TUT4: variants seen among roughly 807,000 people sequenced by gnomAD.
TUT4 encodes the protein terminal uridylyltransferase 4.
In TUT4, 36 loss-of-function variants were observed where a neutral mutation model predicts 192.2. That is an observed-to-expected ratio of 0.19 (90% CI 0.14 to 0.25). TUT4 has a LOEUF of 0.25. Ranked by LOEUF, TUT4 falls within the 10% of genes least tolerant of loss-of-function variation. The probability of loss-of-function intolerance (pLI) is 1.00; values close to 1 mark genes in which losing one functional copy is unlikely to be tolerated. For synonymous variants in TUT4, 618 were observed against 666.0 expected (o/e 0.93, Z 1.11); for missense variants, 1,493 against 1,957.2 (o/e 0.76, Z 4.47).
At chr1:52,549,496 C>T (rs1030460533) in intron 1 of TUT4, among the ~76,000 whole-genome samples, 2 of 152,124 alleles carry the variant, frequency 1.3e-5, no homozygotes, top group African/African-American at 4.8e-5. Context: ...CTAGTTTCTT[C>T]CCTCTCAACT....
At chr1:52,532,843 C>T (rs752754097) in intron 1 of TUT4, among the ~76,000 whole-genome samples, 2 of 152,172 alleles carry the variant, frequency 1.3e-5, no homozygotes, top group Non-Finnish European at 2.9e-5. Flanking sequence ...TTCCTGAGCA[C>T]ATGACTAGTC....
In TUT4 at chr1:52,431,188, C is replaced by T. The variant is rs1651957607; in HGVS notation, c.4536G>A (p.Val1512=). Residue 1512 remains valine, a synonymous_variant, in exon 28 of 30, where the codon GTG becomes GTA. Transcript: ENST00000257177. ...PAPSWPIHGP[V]IHSAPGSAPS... is the part of the protein sequence containing the mutation. ...GGGCACTGCCTGGTGCAGAGTGGAT[C>T]ACTGGGCCATGGATGGGCCAGGACG... is the stretch of plus-strand genomic sequence containing the variant. 6.2e-7 allele frequency: 1 copy of T among 1,614,098 alleles called. No individual in the cohort carries two copies. The highest frequency in any genetic ancestry group is 8.5e-7 in the Non-Finnish European group (1 of 1,180,048).
chr1:52,475,553 G>T lies in TUT4; in HGVS notation c.2024-18C>A. 1 of 1,581,434 alleles carries T rather than the reference G, an allele frequency of 6.3e-7. No homozygotes were observed. The highest frequency in any genetic ancestry group is 1.4e-5 in the African/African-American group (1 of 73,938). ...AAATGGATCTAGCAAAAGAGAAAAT[G>T]GTAAATAGCTAAGTCTCTACTAACA... On this transcript the variant is annotated intron_variant, in intron 12 of 29. Coordinates refer to ENST00000257177, the MANE Select transcript of TUT4 (RefSeq NM_001009881.3).
chr1:52,481,297 G>A, intron 11 of TUT4, 126 bp downstream of exon 11: 2 of 957,670 alleles, frequency 2.1e-6, no homozygotes, highest in Non-Finnish European at 3.1e-6. Context: ...TCACTTTATA[G>A]ATGAGGAAAA....
chr1:52,491,730 G>A (rs192461451), intron 7 of TUT4, among the ~76,000 whole-genome samples: 10 of 151,982 alleles, frequency 6.6e-5, no homozygotes, highest in African/African-American at 2.2e-4. Flanking sequence ...AAACCAGATA[G>A]ATTAACATCA....
intron 19 of TUT4, among the ~76,000 whole-genome samples, chr1:52,460,392 G>A (rs1662226384): frequency 6.6e-6 from 1 of 152,032 alleles, no homozygotes; most frequent in African/African-American, 2.4e-5. Context: ...TGAGGCAGGA[G>A]AATCGCTTAA....
intron 16 of TUT4, 32 bp downstream of exon 16, chr1:52,465,038 A>C: frequency 6.6e-7 from 1 of 1,520,108 alleles, no homozygotes; most frequent in African/African-American, 1.4e-5. Flanking sequence ...GGGAGAAAAT[A>C]AACTTACATA....
chr1:52,487,936 T>G (rs1281350034), intron 9 of TUT4, among the ~76,000 whole-genome samples: 2 of 152,022 alleles, frequency 1.3e-5, no homozygotes, highest in African/African-American at 2.4e-5. Context: ...TGCAACAAAT[T>G]TATGTATGGC....
intron 20 of TUT4, among the ~76,000 whole-genome samples, chr1:52,450,651 A>C (rs773941263): frequency 4.6e-5 from 7 of 152,204 alleles, no homozygotes; most frequent in African/African-American, 9.7e-5. Context: ...TCCTCATATC[A>C]ACACTGAAAT....
chr1:52,472,859 CT>C (rs1666139196), intron 13 of TUT4, among the ~76,000 whole-genome samples: 1 of 152,032 alleles, frequency 6.6e-6, no homozygotes, highest in African/African-American at 2.4e-5. Context: ...TGCCTACATC[CT>C]AAAGTGTCTT....
chr1:52,512,094 G>A (rs1390419772), intron 3 of TUT4, among the ~76,000 whole-genome samples: 1 of 152,158 alleles, frequency 6.6e-6, no homozygotes, highest in Non-Finnish European at 1.5e-5. Flanking sequence ...ATTGTAAAAT[G>A]TTAGCAGACC....
chr1:52,491,805 G>A (rs1175022066), intron 7 of TUT4, among the ~76,000 whole-genome samples: 1 of 152,046 alleles, frequency 6.6e-6, no homozygotes, highest in Non-Finnish European at 1.5e-5. Context: ...CAAAAAACAC[G>A]TGCTGAAGAC....
At chr1:52,505,618 C>T (rs533801421) in intron 4 of TUT4, among the ~76,000 whole-genome samples, 2 of 151,824 alleles carry the variant, frequency 1.3e-5, no homozygotes, top group African/African-American at 4.8e-5. Context: ...GAGGGGGTTT[C>T]GCCACATTGG....
rs778006175 is a variant in TUT4, at chr1:52,425,505, G to A, written c.4714C>T (p.Pro1572Ser). The A allele has an allele frequency of 4.4e-6, 7 of 1,606,968 alleles. No individual in the cohort carries two copies. In the South Asian group the frequency reaches 6.7e-5, roughly 15 times the overall value. Reference sequence around the variant, plus strand: ...GGAGGAGTCAGTCCTCGAAAGCCTGGCTCTGCATTTCAACAAGAGGGAAAA... The same window carrying A: ...GGAGGAGTCAGTCCTCGAAAGCCTGACTCTGCATTTCAACAAGAGGGAAAA... Reference protein sequence around the residue: ...VNSGAVGNSEPGFRGLTPPIP... With the variant: ...VNSGAVGNSESGFRGLTPPIP... Residue 1572 changes from proline (P) to serine (S), a missense_variant and splice_region_variant, in exon 29 of 30, where the codon CCA (proline) becomes TCA (serine). By Grantham distance (74) the Pro-to-Ser change is moderately conservative. This residue lies in a region of TUT4 where 351 missense variants were observed against 397.8 expected (regional missense o/e 0.88). Transcript: ENST00000257177.
intron 1 of TUT4, among the ~76,000 whole-genome samples, chr1:52,537,204 T>C (rs1193902957): frequency 5.3e-5 from 8 of 151,782 alleles, no homozygotes; most frequent in African/African-American, 1.9e-4. Flanking sequence ...AAGAGAGAGA[T>C]TGGCAAATTG....
chr1:52,423,767 A>G lies in TUT4; in HGVS notation c.*168T>C, dbSNP rs1411656636. ...AACAGTCTTAGAATTTAAATAAGCTATCTAAACGTGTTAAAATTTTAAATC... is the reference window on the plus strand; with the variant it reads ...AACAGTCTTAGAATTTAAATAAGCTGTCTAAACGTGTTAAAATTTTAAATC... On this transcript the variant is annotated 3_prime_UTR_variant, in exon 30 of 30. Coordinates refer to ENST00000257177, the MANE Select transcript of TUT4 (RefSeq NM_001009881.3). 6 of 1,481,020 alleles carry G rather than the reference A, an allele frequency of 4.1e-6. No homozygotes were observed. Among genetic ancestry groups the G allele is most frequent in the African/African-American group, 1.4e-5 (1 of 71,656 alleles). 91.7% of individuals were successfully genotyped at this position (1,481,020 alleles called of 1,614,324 possible). A position where few individuals can be genotyped will look rare whatever the true frequency, so the allele number is the denominator to read the frequency against.
rs780749614 is a variant in TUT4 at position 52,525,941 on chromosome 1, A to G, written c.340T>C (p.Ser114Pro). Residue 114 changes from serine (S) to proline (P), a missense_variant, in exon 2 of 30, where the codon TCA (serine) becomes CCA (proline). By Grantham distance (74) the Ser-to-Pro change is moderately conservative. Transcript: ENST00000257177. ...GTTGCCTTTTCTGATTTTGCCTGTG[A>G]AATGGTTGCCTTTTCGGCTTTCACC... ...SPVKAEKATI[S>P]QAKSEKATSL... is the part of the protein sequence containing the mutation. 2 of 1,613,988 alleles carry G rather than the reference A, an allele frequency of 1.2e-6. No individual in the cohort carries two copies. The highest frequency in any genetic ancestry group is 2.7e-5 in the African/African-American group (2 of 74,918).
rs762574804 is a variant in TUT4, at chr1:52,515,910, T to G, written c.863A>C (p.His288Pro). 2 of 1,613,792 alleles carry G rather than the reference T, an allele frequency of 1.2e-6. No homozygotes were observed. The highest frequency in any genetic ancestry group is 4.5e-5 in the East Asian group (2 of 44,822). The change falls in exon 3 of 30, where the codon CAC becomes CCC. Residue 288 changes from histidine to proline, a missense_variant. This residue lies in a region of TUT4 where 437 missense variants were observed against 577.6 expected (regional missense o/e 0.76). Transcript: ENST00000257177. ...KQAEERLERD[H>P]IFRLEKRSPE... ...GTATACTTTTTCAAGTCGAAAGATG[T>G]GATCTCTTTCTAAGCGTTCTTCTGC...
At chr1:52,436,685 T>C (rs538826554) in intron 26 of TUT4, 70 bp downstream of exon 26, 101 of 1,595,340 alleles carry the variant, frequency 6.3e-5, no homozygotes, top group Admixed American at 8.6e-5. Flanking sequence ...GGAATTAGGG[T>C]CATTTAGCAT....
Sources: allele counts gnomAD v4.1 joint callset (sites outside exome capture counted in the v4.1 genomes callset), GRCh38; gene constraint gnomAD v4.1.1; regional missense constraint gnomAD v4.1.1; transcripts MANE v1.5; gene names NCBI Gene and HGNC (gene_info 2026-07-23, HGNC 2026-07-21).